Variants in CYP20A1 observed in about 807,000 individuals in gnomAD.
CYP20A1 encodes the protein cytochrome P450 family 20 subfamily A member 1, also known as cytochrome P450 20A1.
A neutral mutation model predicts 61.4 loss-of-function variants in CYP20A1; 61 were observed. That is an observed-to-expected ratio of 0.99 (90% CI 0.81 to 1.23). The LOEUF (loss-of-function observed/expected upper bound fraction) is 1.23. CYP20A1 is among the 50% of genes most tolerant of loss of function. The pLI is 0.00. For missense variants in CYP20A1, 530 were observed against 542.4 expected (o/e 0.98, Z 0.23); for synonymous variants, 193 against 188.2 (o/e 1.03, Z -0.21).
At position 203,252,122 on chromosome 2, in the gene CYP20A1, G is replaced by A. The variant is rs368564360; in HGVS notation, c.432+13G>A. 26 of 1,597,078 alleles carry A rather than the reference G, an allele frequency of 1.6e-5. No homozygotes were observed. In the African/African-American group the frequency reaches 3.5e-4, roughly 21 times the overall value. On this transcript the variant is annotated intron_variant, in intron 4 of 12. Coordinates refer to ENST00000356079, the MANE Select transcript of CYP20A1 (RefSeq NM_177538.3). ...CCTCCTCCTAAAGGTAAGGTGATAA[G>A]TAGTTTGGTCTAGTGTTCTACAACA...
Position 203,246,858 on chromosome 2 carries a change from C to T in CYP20A1, c.226C>T (p.Arg76Cys), listed in dbSNP as rs150778410. 93 of 1,614,112 alleles carry T rather than the reference C, an allele frequency of 5.8e-5. No individual in the cohort carries two copies. The African/African-American group carries it at 7.5e-4, about 13-fold the overall frequency. Residue 76 changes from arginine (R) to cysteine (C), a missense_variant, in exon 3 of 13, where the codon CGC becomes TGC. Arg to Cys is a radical substitution (Grantham distance 180). Transcript: ENST00000356079. ...GPVVSFWFGR[R>C]LVVSLGTVDV... ...TGTGGTCTCCTTCTGGTTTGGCAGG[C>T]GCCTCGTGGTTAGTTTGGGCACTGT... is the stretch of plus-strand genomic sequence containing the variant.
intron 8 of CYP20A1, among the ~76,000 whole-genome samples, chr2:203,283,053 G>T (rs568889958): frequency 6.6e-6 from 1 of 151,828 alleles, no homozygotes; most frequent in Non-Finnish European, 1.5e-5. Context: ...GCATGTGCCT[G>T]TAGTCCCAGC....
intron 6 of CYP20A1, among the ~76,000 whole-genome samples, chr2:203,273,627 C>T (rs148550720): frequency 2.9e-4 from 44 of 152,084 alleles, no homozygotes; most frequent in African/African-American, 9.9e-4. Flanking sequence ...TAGTGAGAGA[C>T]CCCATCTCAA....
chr2:203,292,433 C>A, intron 11 of CYP20A1, 107 bp downstream of exon 11: 1 of 745,000 alleles, frequency 1.3e-6, no homozygotes. Flanking sequence ...AGCAATGATA[C>A]AACAAAAGAA....
intron 3 of CYP20A1, among the ~76,000 whole-genome samples, chr2:203,250,664 A>G (rs1239854971): frequency 6.6e-6 from 1 of 152,242 alleles, no homozygotes; most frequent in Non-Finnish European, 1.5e-5. Flanking sequence ...AAGTATGTAA[A>G]CATTCAAATT....
chr2:203,295,505 G>T (rs956694986), intron 11 of CYP20A1, among the ~76,000 whole-genome samples: 1 of 152,222 alleles, frequency 6.6e-6, no homozygotes, highest in African/African-American at 2.4e-5. Context: ...TGATAAGGTG[G>T]TCTCATGTAA....
chr2:203,294,720 C>T (rs192580774), intron 11 of CYP20A1, among the ~76,000 whole-genome samples: 4,682 of 151,052 alleles, frequency 0.031, 244 homozygotes, highest in African/African-American at 0.11. Context: ...CTGCAACCTC[C>T]GCCTCCCGGG....
chr2:203,275,192 G>C (rs1283040543), intron 6 of CYP20A1, among the ~76,000 whole-genome samples: 1 of 152,174 alleles, frequency 6.6e-6, no homozygotes, highest in Non-Finnish European at 1.5e-5. Flanking sequence ...AGGCTCTCCA[G>C]ATTATTCTAA....
At chr2:203,254,342 C>T (rs1005054754) in intron 4 of CYP20A1, among the ~76,000 whole-genome samples, 3 of 151,970 alleles carry the variant, frequency 2.0e-5, no homozygotes, top group East Asian at 1.9e-4. Context: ...GTCAGGAGTT[C>T]GAGACTGGCC....
Position 203,294,565 on chromosome 2 carries a change from A to G in CYP20A1, c.1149-1909A>G, listed in dbSNP as rs113336942. Among the ~76,000 whole-genome samples the G allele has an allele frequency of 4.5e-4, 68 of 152,230 alleles. 1 individual carries two copies. Among genetic ancestry groups the G allele is most frequent in the Middle Eastern group, 3.4e-3 (1 of 294 alleles). ...TAAAAAATAATGATAATAATCACAC[A>G]TATATAGAGTACGCTTTTCATTCGC... is the stretch of plus-strand genomic sequence containing the variant. On this transcript the variant is annotated intron_variant, in intron 11 of 12. Coordinates refer to ENST00000356079, the MANE Select transcript of CYP20A1 (RefSeq NM_177538.3).
intron 1 of CYP20A1, among the ~76,000 whole-genome samples, chr2:203,239,544 T>C (rs2066172705): frequency 6.6e-6 from 1 of 152,202 alleles, no homozygotes. Flanking sequence ...GGCGCGCCAC[T>C]CCTTTCTCCT....
intron 8 of CYP20A1, among the ~76,000 whole-genome samples, chr2:203,283,695 CGT>C (rs1559104247): frequency 2.6e-5 from 4 of 151,506 alleles, no homozygotes; most frequent in African/African-American, 9.7e-5. Context: ...ACTAGAGGCG[CGT>C]GCCACCATGC....
At chr2:203,267,375 A>G (rs2067367766) in intron 5 of CYP20A1, among the ~76,000 whole-genome samples, 5 of 145,660 alleles carry the variant, frequency 3.4e-5, no homozygotes, top group Non-Finnish European at 3.0e-5. Context: ...TCTACTGAAA[A>G]TAAGAAAAAC....
Position 203,278,667 on chromosome 2 carries a change from A to G in CYP20A1, c.774A>G (p.Gln258=), listed in dbSNP as rs984408213. ...ATATTTTCATTGACTCCTTAGTACA[A>G]GGGAACCTTAATGACCAACAGGTGA... is the stretch of plus-strand genomic sequence containing the variant. ...SQHIFIDSLV[Q]GNLNDQQILE... Residue 258 remains glutamine, a synonymous_variant, in exon 7 of 13, where the codon CAA becomes CAG. Coordinates refer to ENST00000356079, the MANE Select transcript of CYP20A1 (RefSeq NM_177538.3). 20 of 1,578,348 alleles carry G rather than the reference A, an allele frequency of 1.3e-5. No homozygotes were observed. Among genetic ancestry groups the G allele is most frequent in the African/African-American group, 1.1e-4 (8 of 73,508 alleles).
chr2:203,285,648 A>G lies in CYP20A1; in HGVS notation c.887A>G (p.Glu296Gly), dbSNP rs1280873777. The stretch of plus-strand genomic sequence containing the variant: ...GCAATCTGTTTTTTAACCACCTCTG[A>G]AGAAGTTCAAAAAAAATTATATGAA... Reference protein sequence around the residue: ...TWAICFLTTSEEVQKKLYEEI... With the variant: ...TWAICFLTTSGEVQKKLYEEI... Residue 296 changes from glutamate to glycine, a missense_variant, in exon 9 of 13, where the codon GAA becomes GGA. By Grantham distance (98) the Glu-to-Gly change is moderately conservative. Coordinates refer to ENST00000356079, the MANE Select transcript of CYP20A1 (RefSeq NM_177538.3). 1 of 1,603,186 alleles carries G rather than the reference A, an allele frequency of 6.2e-7. No homozygotes were observed. Among genetic ancestry groups the G allele is most frequent in the Admixed American group, 1.8e-5 (1 of 56,864 alleles).
chr2:203,272,598 G>T (rs1285020885), intron 5 of CYP20A1, 72 bp from the exon 6 acceptor site: 4 of 751,686 alleles, frequency 5.3e-6, no homozygotes, highest in Middle Eastern at 4.1e-4. Context: ...AAGTCATTAG[G>T]TTACATTGCT....
At chr2:203,293,210 C>T (rs1325302850) in intron 11 of CYP20A1, among the ~76,000 whole-genome samples, 4 of 25,928 alleles carry the variant, frequency 1.5e-4, no homozygotes, top group Non-Finnish European at 3.9e-4. Context: ...AGCAGAATTT[C>T]TCTCTCTTTT....
chr2:203,258,687 T>G (rs549360620), intron 4 of CYP20A1, among the ~76,000 whole-genome samples: 1 of 152,312 alleles, frequency 6.6e-6, no homozygotes, highest in East Asian at 1.9e-4. Flanking sequence ...CAAATTCCCA[T>G]TCTCTCATTG....
chr2:203,239,367 G>C (rs1239503237), intron 1 of CYP20A1, among the ~76,000 whole-genome samples: 1 of 152,200 alleles, frequency 6.6e-6, no homozygotes, highest in African/African-American at 2.4e-5. Context: ...CGGGCCAGGC[G>C]GGCGTAGAGC....
Sources: gnomAD v4.1 joint callset for allele counts (sites outside exome capture counted in the v4.1 genomes callset) on GRCh38, gnomAD v4.1.1 for gene constraint, MANE v1.5 for transcripts, NCBI Gene and HGNC (gene_info 2026-07-23, HGNC 2026-07-21) for gene names.